LRFN5: variants seen among roughly 807,000 people sequenced by gnomAD.
LRFN5 encodes leucine-rich repeat and fibronectin type-III domain-containing protein 5.
Under a neutral mutation model 45.6 loss-of-function variants are expected in LRFN5, and 24 were observed. That is an observed-to-expected ratio of 0.53 (90% CI 0.38 to 0.74). LRFN5 has a LOEUF of 0.74. LRFN5 is among the 30% of genes least tolerant of loss of function. The pLI, the probability that LRFN5 is intolerant of heterozygous loss-of-function variation, is 0.00. For missense variants in LRFN5, 776 were observed against 861.5 expected (o/e 0.90, Z 1.24); for synonymous variants, 340 against 313.8 (o/e 1.08, Z -0.88).
chr14:41,711,224 A>G (rs1883272011), intron 1 of LRFN5, among the ~76,000 whole-genome samples: 1 of 152,186 alleles, frequency 6.6e-6, no homozygotes, highest in Non-Finnish European at 1.5e-5. Flanking sequence ...ATGCACACAT[A>G]TTTTCAGGAA....
intron 1 of LRFN5, among the ~76,000 whole-genome samples, chr14:41,655,394 G>T (rs1220379506): frequency 6.6e-6 from 1 of 151,924 alleles, no homozygotes; most frequent in African/African-American, 2.4e-5. Context: ...AAAACAGCAA[G>T]CATACACCCC....
At chr14:41,808,393 A>G (rs1887606220) in intron 2 of LRFN5, among the ~76,000 whole-genome samples, 1 of 61,534 alleles carries the variant, frequency 1.6e-5, no homozygotes. Context: ...GAAGGAAGGA[A>G]AGGAAGAAAG....
At chr14:41,725,118 C>T (rs906891852) in intron 1 of LRFN5, among the ~76,000 whole-genome samples, 2 of 152,110 alleles carry the variant, frequency 1.3e-5, no homozygotes, top group Admixed American at 6.6e-5. Context: ...ATTGGCCCAT[C>T]GCCTTACATT....
intron 1 of LRFN5, among the ~76,000 whole-genome samples, chr14:41,652,108 T>C (rs918960823): frequency 1.4e-4 from 21 of 152,052 alleles, no homozygotes; most frequent in African/African-American, 5.1e-4. Context: ...CACAAACAAA[T>C]TGAAGGAATG....
At chr14:41,742,576 G>A (rs1884746705) in intron 1 of LRFN5, 1 of 152,158 alleles carries the variant, frequency 6.6e-6, no homozygotes, top group South Asian at 2.1e-4. Flanking sequence ...AGATACGTTG[G>A]AGCGACTATG....
chr14:41,738,885 C>G lies in LRFN5; in HGVS notation c.-196-27969C>G, dbSNP rs142111028. On this transcript the variant is annotated intron_variant, in intron 1 of 5. Transcript: ENST00000298119. ...ACCCAGGCAAGGGAAATTTTCTGAA[C>G]TACTATTTACAACAAATGAATCTAA... is the stretch of plus-strand genomic sequence containing the variant. Among the ~76,000 whole-genome samples, 129 of 152,244 alleles carry G rather than the reference C, an allele frequency of 8.5e-4. 1 individual carries two copies. The highest frequency in any genetic ancestry group is 2.4e-3 in the African/African-American group (100 of 41,544).
At chr14:41,731,629 C>T (rs1227206198) in intron 1 of LRFN5, 1 of 152,078 alleles carries the variant, frequency 6.6e-6, no homozygotes, top group Non-Finnish European at 1.5e-5. Context: ...AAATTGTCAC[C>T]TATAGCCTGC....
chr14:41,738,035 C>G (rs1884520379), intron 1 of LRFN5, among the ~76,000 whole-genome samples: 1 of 152,026 alleles, frequency 6.6e-6, no homozygotes, highest in Admixed American at 6.6e-5. Flanking sequence ...CCTGTATAGC[C>G]AAGACAATCT....
At chr14:41,871,152 C>A (rs896971778) in intron 2 of LRFN5, among the ~76,000 whole-genome samples, 4 of 151,320 alleles carry the variant, frequency 2.6e-5, no homozygotes, top group African/African-American at 9.7e-5. Flanking sequence ...TTTTAAAATC[C>A]TAGGGACAAA....
At position 41,820,161 on chromosome 14, in the gene LRFN5, T is replaced by G. The variant is rs1289149797; in HGVS notation, c.-21+53132T>G. On this transcript the variant is annotated intron_variant, in intron 2 of 5. Transcript: ENST00000298119. ...TATTTTTGTTTTTGTTGCATTTGCT[T>G]TTGAGGTCTTAGTCATAAATTATTT... Among the ~76,000 whole-genome samples, 3 of 152,104 alleles carry G rather than the reference T, an allele frequency of 2.0e-5. No homozygotes were observed. The South Asian group carries it at 6.2e-4, about 32-fold the overall frequency.
chr14:41,727,245 C>G (rs958950494), intron 1 of LRFN5, among the ~76,000 whole-genome samples: 11 of 152,136 alleles, frequency 7.2e-5, no homozygotes, highest in African/African-American at 2.7e-4. Flanking sequence ...TTACTGGTAA[C>G]TATCTTAAAC....
At chr14:41,626,162 A>G (rs562004231) in intron 1 of LRFN5, among the ~76,000 whole-genome samples, 2 of 152,250 alleles carry the variant, frequency 1.3e-5, no homozygotes, top group African/African-American at 2.4e-5. Context: ...GTAAAAATTC[A>G]TAGTAATAAA....
intron 1 of LRFN5, among the ~76,000 whole-genome samples, chr14:41,669,969 T>A (rs1188142060): frequency 7.2e-6 from 1 of 138,120 alleles, no homozygotes. Flanking sequence ...AAGAAAAAAA[T>A]AGTTAAAAAT....
intron 4 of LRFN5, among the ~76,000 whole-genome samples, chr14:41,898,640 T>C (rs1891012535): frequency 6.6e-6 from 1 of 152,050 alleles, no homozygotes; most frequent in Non-Finnish European, 1.5e-5. Context: ...GAATACCAAA[T>C]GCATATTGAA....
At chr14:41,792,754 T>G (rs1232597088) in intron 2 of LRFN5, among the ~76,000 whole-genome samples, 2 of 152,062 alleles carry the variant, frequency 1.3e-5, no homozygotes, top group African/African-American at 4.8e-5. Flanking sequence ...TTCATCTTGT[T>G]CAAACACACA....
At chr14:41,857,971 C>T (rs1166144805) in intron 2 of LRFN5, among the ~76,000 whole-genome samples, 19 of 151,998 alleles carry the variant, frequency 1.3e-4, no homozygotes, top group Admixed American at 1.2e-3. Flanking sequence ...TGTAGAGTTC[C>T]AACAGGGAAT....
chr14:41,665,638 A>G lies in LRFN5; in HGVS notation c.-197+57076A>G, dbSNP rs539179332. ...ACTTTACTATAATAGTATCCTGTTT[A>G]GGTTTGTGTCTCTTACTGCTCTGAC... On this transcript the variant is annotated intron_variant, in intron 1 of 5. Coordinates refer to ENST00000298119, the MANE Select transcript of LRFN5 (RefSeq NM_152447.5). Among the ~76,000 whole-genome samples the G allele has an allele frequency of 6.6e-5, 10 of 152,038 alleles. No individual in the cohort carries two copies. In the East Asian group the frequency reaches 1.7e-3, roughly 26 times the overall value.
At chr14:41,628,602 TATAA>T (rs56242603) in intron 1 of LRFN5, among the ~76,000 whole-genome samples, 26 of 151,170 alleles carry the variant, frequency 1.7e-4, no homozygotes, top group South Asian at 1.7e-3. Context: ...AGACCCTGTC[TATAA>T]ATAAATAAAT....
At chr14:41,658,301 A>C (rs1034578981) in intron 1 of LRFN5, among the ~76,000 whole-genome samples, 11 of 152,004 alleles carry the variant, frequency 7.2e-5, no homozygotes, top group African/African-American at 2.7e-4. Flanking sequence ...GGAGTGTAAA[A>C]AGAAAATTAA....
Sources: gnomAD v4.1 joint callset for allele counts (sites outside exome capture counted in the v4.1 genomes callset) on GRCh38, gnomAD v4.1.1 for gene constraint, MANE v1.5 for transcripts, NCBI Gene and HGNC (gene_info 2026-07-23, HGNC 2026-07-21) for gene names.